Variants in ORC3 observed in about 807,000 individuals in gnomAD.
ORC3 encodes homolog of latheo, Drosophila.
Under a neutral mutation model 100.7 loss-of-function variants are expected in ORC3, and 78 were observed. The ratio of observed to expected loss-of-function variants is 0.77; its 90% CI spans 0.65 to 0.94. The LOEUF (loss-of-function observed/expected upper bound fraction) is 0.94. Among genes scored for constraint, ORC3 ranks in the 40% least tolerant of loss-of-function variants. The pLI is 0.00. For missense variants in ORC3, 789 were observed against 823.9 expected (o/e 0.96, Z 0.52); for synonymous variants, 295 against 289.3 (o/e 1.02, Z -0.20).
intron 14 of ORC3, among the ~76,000 whole-genome samples, chr6:87,655,099 T>C (rs1769570342): frequency 6.6e-6 from 1 of 152,250 alleles, no homozygotes; most frequent in Non-Finnish European, 1.5e-5. Context: ...TATTTGGCTA[T>C]ATGCTATCTG....
In ORC3 at chr6:87,634,944, T is replaced by C. The variant is rs1767701640; in HGVS notation, c.1285T>C (p.Tyr429His). 1 of 1,551,794 alleles carries C rather than the reference T, an allele frequency of 6.4e-7. No homozygotes were observed. Among genetic ancestry groups the C allele is most frequent in the South Asian group, 1.1e-5 (1 of 89,766 alleles). ...LHKFTSSLPK[Y>H]PLGRQIRELY... The stretch of plus-strand genomic sequence containing the variant: ...TAAGTTCACCTCTTCTCTTCCCAAG[T>C]ATCCACTAGGTCGACAGGTAATCCA... Residue 429 changes from tyrosine to histidine, a missense_variant, in exon 12 of 20, where the codon TAT (tyrosine) becomes CAT (histidine). Physicochemically the swap from Tyr to His is moderately conservative, Grantham distance 83. Around this residue, in one of 3 missense-constraint regions of ORC3, gnomAD observed 366 missense variants for 394.2 expected, o/e 0.93. Coordinates refer to ENST00000392844, the MANE Select transcript of ORC3 (RefSeq NM_012381.4).
intron 13 of ORC3, among the ~76,000 whole-genome samples, chr6:87,652,275 C>G (rs1769339077): frequency 6.6e-6 from 1 of 152,212 alleles, no homozygotes; most frequent in South Asian, 2.1e-4. Flanking sequence ...TTGTGTAATG[C>G]CACTGCTTAA....
At chr6:87,590,339 G>A (rs1010212849) in intron 1 of ORC3, 147 bp downstream of exon 1, 7 of 864,860 alleles carry the variant, frequency 8.1e-6, no homozygotes, top group South Asian at 2.8e-5. Flanking sequence ...CCTTGCTCCA[G>A]ATCAGTTGAG....
Position 87,658,013 on chromosome 6 carries a change from A to T in ORC3, c.1686A>T (p.Leu562=). ...ATGTTGTGAACTTCATTGACTGTCT[A>T]GTGAGGTAAGTCTAAATTTAGCTCT... ...RENVVNFIDC[L]VREYLLPPET... The change falls in exon 16 of 20, where the codon CTA becomes CTT. Residue 562 remains leucine (L), a synonymous_variant. Transcript: ENST00000392844. 6.4e-7 allele frequency: 1 copy of T among 1,568,202 alleles called. No individual in the cohort carries two copies. The highest frequency in any genetic ancestry group is 8.8e-7 in the Non-Finnish European group (1 of 1,139,040).
chr6:87,675,653 T>C, the ORC3 span: 8 of 1,607,446 alleles, frequency 5.0e-6, no homozygotes, highest in Non-Finnish European at 6.8e-6. Flanking sequence ...CAGGTCAAAA[T>C]CCAAACGAAT....
chr6:87,627,329 T>C, intron 11 of ORC3, among the ~76,000 whole-genome samples: 1 of 108,514 alleles, frequency 9.2e-6, no homozygotes, highest in East Asian at 2.5e-4. Flanking sequence ...GGGGTCTCGC[T>C]CTATCGCCCA....
chr6:87,636,630 A>G (rs896204106), intron 13 of ORC3, 144 bp downstream of exon 13: 15 of 622,044 alleles, frequency 2.4e-5, no homozygotes, highest in Non-Finnish European at 4.3e-5. Context: ...TCTTGAATTT[A>G]TCCATGTAGC....
the ORC3 span, among the ~76,000 whole-genome samples, chr6:87,673,468 A>G: frequency 2.6e-5 from 4 of 152,154 alleles, no homozygotes; most frequent in African/African-American, 7.2e-5. Context: ...ATGCACAGCA[A>G]TAGCCACCAC....
intron 2 of ORC3, among the ~76,000 whole-genome samples, chr6:87,597,337 C>A (rs898024495): frequency 1.3e-4 from 20 of 152,000 alleles, no homozygotes; most frequent in African/African-American, 4.1e-4. Context: ...TGTTGGTACT[C>A]AAAAAGTTTC....
At chr6:87,654,487 A>G (rs1052621277) in intron 14 of ORC3, among the ~76,000 whole-genome samples, 3 of 152,244 alleles carry the variant, frequency 2.0e-5, no homozygotes, top group Non-Finnish European at 2.9e-5. Context: ...GAGTTCAGCT[A>G]TATAACCAGA....
At chr6:87,601,976 A>G in intron 3 of ORC3, 95 bp downstream of exon 3, 1 of 767,220 alleles carries the variant, frequency 1.3e-6, no homozygotes, top group Non-Finnish European at 2.3e-6. Context: ...AGTATTGATG[A>G]AATATAGGAA....
chr6:87,644,297 T>G (rs1374866944), intron 13 of ORC3, among the ~76,000 whole-genome samples: 2 of 150,994 alleles, frequency 1.3e-5, no homozygotes, highest in Non-Finnish European at 3.0e-5. Context: ...TTTCACCGTT[T>G]TAGCCGGGAT....
intron 11 of ORC3, among the ~76,000 whole-genome samples, chr6:87,630,127 C>T (rs371941822): frequency 6.6e-6 from 1 of 152,100 alleles, no homozygotes; most frequent in African/African-American, 2.4e-5. Flanking sequence ...TATGGTTGCT[C>T]TTACTTAAAA....
At chr6:87,670,126 A>G (rs1272362900), downstream of ORC3, among the ~76,000 whole-genome samples, 1 of 152,158 alleles carries the variant, frequency 6.6e-6, no homozygotes, top group Non-Finnish European at 1.5e-5. Flanking sequence ...AACCACTTTG[A>G]CTTTCCTCAC....
chr6:87,602,974 T>TATATATATATATATATATATATATATA (rs1778071241), intron 3 of ORC3, among the ~76,000 whole-genome samples: 1 of 133,858 alleles, frequency 7.5e-6, no homozygotes, highest in African/African-American at 2.9e-5. Flanking sequence ...TATATATACA[T>TATATATATATATATATATATATATATA]ATATATATAC....
chr6:87,666,398 A>C (rs567136594), intron 19 of ORC3, among the ~76,000 whole-genome samples: 54 of 140,604 alleles, frequency 3.8e-4, no homozygotes, highest in Non-Finnish European at 6.4e-4. Context: ...CCAAAGTGCT[A>C]GGATTATAGG....
chr6:87,636,621 C>A (rs1767852697), intron 13 of ORC3, 135 bp downstream of exon 13: 11 of 631,662 alleles, frequency 1.7e-5, no homozygotes, highest in Middle Eastern at 2.5e-4. Context: ...TTGCATATAT[C>A]TTGAATTTAT....
intron 13 of ORC3, among the ~76,000 whole-genome samples, chr6:87,637,106 G>A (rs538248796): frequency 6.6e-6 from 1 of 152,072 alleles, no homozygotes; most frequent in African/African-American, 2.4e-5. Context: ...AATGACACTT[G>A]GATAGTTATA....
chr6:87,652,562 T>C (rs17455247), intron 13 of ORC3, among the ~76,000 whole-genome samples: 1,760 of 152,322 alleles, frequency 0.012, 18 homozygotes, highest in Non-Finnish European at 0.017. Context: ...ATAGTTTAAA[T>C]GGTGATAATT....
Sources: allele counts gnomAD v4.1 joint callset (sites outside exome capture counted in the v4.1 genomes callset), GRCh38; gene constraint gnomAD v4.1.1; regional missense constraint gnomAD v4.1.1; transcripts MANE v1.5; gene names NCBI Gene and HGNC (gene_info 2026-07-23, HGNC 2026-07-21).